Variants in MPPED2 observed in about 807,000 individuals in gnomAD.
MPPED2 encodes the protein metallophosphoesterase domain containing 2.
Under a neutral mutation model 33.0 loss-of-function variants are expected in MPPED2, and 5 were observed. That is an observed-to-expected ratio of 0.15 (90% CI 0.08 to 0.32). The LOEUF is 0.32. Among genes scored for constraint, MPPED2 ranks in the 10% least tolerant of loss-of-function variants. The probability of loss-of-function intolerance (pLI) is 1.00; values close to 1 mark genes in which losing one functional copy is unlikely to be tolerated. For synonymous variants in MPPED2, 136 were observed against 141.9 expected (o/e 0.96, Z 0.29); for missense variants, 275 against 372.1 (o/e 0.74, Z 2.15).
chr11:30,438,006 T>C (rs1247924709), intron 4 of MPPED2, among the ~76,000 whole-genome samples: 1 of 152,196 alleles, frequency 6.6e-6, no homozygotes, highest in Non-Finnish European at 1.5e-5. Flanking sequence ...CTCAGTTTCC[T>C]AATCTGCATA....
chr11:30,501,103 T>C (rs980370832), intron 3 of MPPED2, among the ~76,000 whole-genome samples: 1 of 152,176 alleles, frequency 6.6e-6, no homozygotes, highest in Non-Finnish European at 1.5e-5. Flanking sequence ...TTAAACAACA[T>C]CCTGCATATA....
chr11:30,415,416 A>T (rs1412404940), intron 5 of MPPED2, among the ~76,000 whole-genome samples: 1 of 152,156 alleles, frequency 6.6e-6, no homozygotes, highest in Non-Finnish European at 1.5e-5. Context: ...AAGGGGGAAA[A>T]TATTCCATTT....
intron 2 of MPPED2, among the ~76,000 whole-genome samples, chr11:30,570,055 T>C (rs982993101): frequency 6.6e-6 from 1 of 152,190 alleles, no homozygotes; most frequent in Non-Finnish European, 1.5e-5. Flanking sequence ...AAAATTCATC[T>C]TCCCATTATA....
At chr11:30,509,611 A>C (rs1953035476) in intron 3 of MPPED2, among the ~76,000 whole-genome samples, 1 of 152,192 alleles carries the variant, frequency 6.6e-6, no homozygotes, top group African/African-American at 2.4e-5. Flanking sequence ...ACGTGTGTGC[A>C]TCTTCTCAGG....
intron 4 of MPPED2, among the ~76,000 whole-genome samples, chr11:30,468,399 A>T (rs1414750342): frequency 6.6e-6 from 1 of 152,212 alleles, no homozygotes; most frequent in Non-Finnish European, 1.5e-5. Flanking sequence ...CATTGCTGTA[A>T]GAACTATAGT....
At chr11:30,465,758 C>T (rs564117971) in intron 4 of MPPED2, among the ~76,000 whole-genome samples, 1 of 152,288 alleles carries the variant, frequency 6.6e-6, no homozygotes, top group South Asian at 2.1e-4. Context: ...CTGTGTGGGT[C>T]CACTTATACA....
chr11:30,457,647 C>G (rs1755480502), intron 4 of MPPED2, among the ~76,000 whole-genome samples: 1 of 152,172 alleles, frequency 6.6e-6, no homozygotes, highest in African/African-American at 2.4e-5. Context: ...TGATAAGGCT[C>G]AGAGAGGTAA....
At chr11:30,423,866 A>G (rs1188548621) in intron 4 of MPPED2, among the ~76,000 whole-genome samples, 1 of 152,192 alleles carries the variant, frequency 6.6e-6, no homozygotes, top group Non-Finnish European at 1.5e-5. Context: ...TTCCCAAGCC[A>G]TGGTCCATCA....
chr11:30,495,649 T>A, intron 3 of MPPED2, 128 bp from the exon 4 acceptor site: 1 of 661,166 alleles, frequency 1.5e-6, no homozygotes, highest in Non-Finnish European at 2.6e-6. Context: ...TACATTTCCA[T>A]GTGAACTGGA....
In MPPED2 at chr11:30,495,280, T is replaced by A. The variant is rs1206601419; in HGVS notation, c.536+16A>T. 1 of 1,576,620 alleles carries A rather than the reference T, an allele frequency of 6.3e-7. No individual in the cohort carries two copies. The highest frequency in any genetic ancestry group is 1.3e-5 in the African/African-American group (1 of 74,158). ...GCTAAAAAGCAATGTGGAAAACTGT[T>A]TGAATCATCACTTACCAAGGTGCAC... On this transcript the variant is annotated intron_variant, in intron 4 of 6. Coordinates refer to ENST00000358117, the MANE Select transcript of MPPED2 (RefSeq NM_001584.3).
rs1195414358 is a variant in MPPED2, at chr11:30,467,537, G to T, written c.536+27759C>A. 2.0e-5 allele frequency among the ~76,000 whole-genome samples: 3 copies of T among 152,300 alleles called. No individual in the cohort carries two copies. The East Asian group carries it at 5.8e-4, about 30-fold the overall frequency. ...ACAGAGGACCCATCAGCAGTGGCCA[G>T]TGTGGACCACAGTCCAGAGGGCTCC... On this transcript the variant is annotated intron_variant, in intron 4 of 6. Transcript: ENST00000358117.
chr11:30,570,646 C>G (rs1421643073), intron 2 of MPPED2, among the ~76,000 whole-genome samples: 1 of 152,172 alleles, frequency 6.6e-6, no homozygotes, highest in Non-Finnish European at 1.5e-5. Flanking sequence ...ATGCCTATGT[C>G]ATAGAAGAAG....
chr11:30,490,159 A>C (rs540116855), intron 4 of MPPED2, among the ~76,000 whole-genome samples: 4 of 152,308 alleles, frequency 2.6e-5, no homozygotes, highest in African/African-American at 9.6e-5. Flanking sequence ...CCTTTGAGAA[A>C]GATGTTACAG....
chr11:30,525,346 T>C (rs993671700), intron 3 of MPPED2, among the ~76,000 whole-genome samples: 24 of 152,340 alleles, frequency 1.6e-4, no homozygotes, highest in African/African-American at 5.1e-4. Flanking sequence ...GGCTTCAGTG[T>C]TTCCTCTTGG....
At chr11:30,502,774 G>C (rs1489455365) in intron 3 of MPPED2, among the ~76,000 whole-genome samples, 3 of 152,178 alleles carry the variant, frequency 2.0e-5, no homozygotes, top group Non-Finnish European at 4.4e-5. Flanking sequence ...ATGTGCATCA[G>C]CATTTTAAAA....
At chr11:30,403,121 G>A (rs1273314148) in intron 6 of MPPED2, among the ~76,000 whole-genome samples, 1 of 152,070 alleles carries the variant, frequency 6.6e-6, no homozygotes. Flanking sequence ...GTGGCGGGCA[G>A]CTGTAGTCCC....
chr11:30,433,005 A>G (rs946287863), intron 4 of MPPED2, among the ~76,000 whole-genome samples: 7 of 152,190 alleles, frequency 4.6e-5, no homozygotes, highest in African/African-American at 1.7e-4. Flanking sequence ...TTCTCCTTGC[A>G]CTGTTCTGAT....
chr11:30,469,495 T>C (rs1279794976), intron 4 of MPPED2, among the ~76,000 whole-genome samples: 1 of 152,198 alleles, frequency 6.6e-6, no homozygotes, highest in Non-Finnish European at 1.5e-5. Context: ...ATCGGAGATG[T>C]AGCAGCAGCA....
intron 2 of MPPED2, among the ~76,000 whole-genome samples, chr11:30,561,033 A>G (rs536288151): frequency 6.6e-6 from 1 of 152,338 alleles, no homozygotes; most frequent in African/African-American, 2.4e-5. Flanking sequence ...TGTTCAACCC[A>G]CATGCAAACA....
Sources: allele counts gnomAD v4.1 joint callset (sites outside exome capture counted in the v4.1 genomes callset), GRCh38; gene constraint gnomAD v4.1.1; transcripts MANE v1.5; gene names NCBI Gene and HGNC (gene_info 2026-07-23, HGNC 2026-07-21).